Variants in PLCB1 observed in about 807,000 individuals in gnomAD.
PLCB1 encodes phospholipase C beta 1.
PLCB1 carries 46 observed loss-of-function variants against 161.8 expected under a neutral mutation model. The observed-to-expected ratio is 0.28, with a 90% CI of 0.22 to 0.36. PLCB1 has a LOEUF of 0.36. Ranked by LOEUF, PLCB1 falls within the 10% of genes least tolerant of loss-of-function variation. PLCB1 has a pLI of 1.00. For synonymous variants in PLCB1, 517 were observed against 503.7 expected, an observed-to-expected ratio of 1.03 and a Z score of -0.35; for missense variants, 1,016 against 1,472.5, an observed-to-expected ratio of 0.69 and a Z score of 5.07.
At chr20:8,771,350 T>A (rs550532925) in intron 26 of PLCB1, among the ~76,000 whole-genome samples, 169 of 152,300 alleles carry the variant, frequency 1.1e-3, no homozygotes, top group Non-Finnish European at 2.0e-3. Flanking sequence ...TGAAATTACA[T>A]ATGTGAAGGG....
intron 3 of PLCB1, among the ~76,000 whole-genome samples, chr20:8,387,177 G>A (rs1987448498): frequency 6.6e-6 from 1 of 152,214 alleles, no homozygotes; most frequent in African/African-American, 2.4e-5. Flanking sequence ...TGACTGCTTG[G>A]CACAAGTGGT....
At chr20:8,665,752 A>G (rs1989794992) in intron 9 of PLCB1, among the ~76,000 whole-genome samples, 1 of 152,222 alleles carries the variant, frequency 6.6e-6, no homozygotes, top group Non-Finnish European at 1.5e-5. Context: ...TAGAAGTTAT[A>G]AAAACTAATG....
chr20:8,307,537 T>G (rs193104710), intron 2 of PLCB1, among the ~76,000 whole-genome samples: 40 of 152,294 alleles, frequency 2.6e-4, no homozygotes, highest in African/African-American at 8.7e-4. Context: ...GGGTTTTTTT[T>G]GTTAGTTTTT....
At chr20:8,426,267 C>A (rs982274971) in intron 3 of PLCB1, among the ~76,000 whole-genome samples, 4 of 152,268 alleles carry the variant, frequency 2.6e-5, no homozygotes, top group Non-Finnish European at 5.9e-5. Flanking sequence ...GGCCTAAAAT[C>A]AATCATAATC....
In PLCB1 at chr20:8,193,472, A is replaced by G. The variant is rs959285441; in HGVS notation, c.177+43101A>G. ...GATGTGCTCTATGGGTTGATTTGGA[A>G]ATATCCCCTAGAAAGAAGGCAAGAA... On this transcript the variant is annotated intron_variant, in intron 2 of 31. Transcript: ENST00000338037. Among the ~76,000 whole-genome samples, 19 of 151,970 alleles carry G rather than the reference A, an allele frequency of 1.3e-4. 2 individuals are homozygous for G. Among genetic ancestry groups the G allele is most frequent in the Non-Finnish European group, 8.8e-5 (6 of 67,926 alleles).
At chr20:8,607,993 C>CAT (rs1370403226) in intron 3 of PLCB1, among the ~76,000 whole-genome samples, 3 of 151,736 alleles carry the variant, frequency 2.0e-5, no homozygotes, top group Non-Finnish European at 2.9e-5. Context: ...TGTTGTACAC[C>CAT]ATATATATAT....
At chr20:8,872,889 C>T (rs528927537) in intron 31 of PLCB1, among the ~76,000 whole-genome samples, 8 of 152,282 alleles carry the variant, frequency 5.3e-5, no homozygotes, top group East Asian at 1.9e-4. Flanking sequence ...AATCTCTCCT[C>T]GCCCCGCAAA....
chr20:8,799,934 A>G (rs1205884982), intron 31 of PLCB1, among the ~76,000 whole-genome samples: 2 of 152,208 alleles, frequency 1.3e-5, no homozygotes, highest in Non-Finnish European at 2.9e-5. Flanking sequence ...AAAAATGTCT[A>G]TACATGTTCA....
intron 12 of PLCB1, among the ~76,000 whole-genome samples, chr20:8,710,465 C>A (rs1008159785): frequency 1.5e-5 from 2 of 135,254 alleles, no homozygotes; most frequent in African/African-American, 5.6e-5. Flanking sequence ...TACTTGAGCA[C>A]TTTTCTTTCA....
intron 3 of PLCB1, among the ~76,000 whole-genome samples, chr20:8,617,320 A>G (rs1988062809): frequency 6.6e-6 from 1 of 152,202 alleles, no homozygotes; most frequent in Non-Finnish European, 1.5e-5. Context: ...TATACTAAAA[A>G]TGCAGGTAAT....
At chr20:8,580,715 A>G (rs1986808635) in intron 3 of PLCB1, among the ~76,000 whole-genome samples, 1 of 152,170 alleles carries the variant, frequency 6.6e-6, no homozygotes, top group South Asian at 2.1e-4. Context: ...CTTTCAAGGA[A>G]CTCATAGTTT....
chr20:8,151,679 GT>G lies in PLCB1; in HGVS notation c.177+1315del, dbSNP rs1321993297. 4.6e-5 allele frequency among the ~76,000 whole-genome samples: 7 copies of G among 151,976 alleles called. 1 individual carries two copies. The East Asian group carries it at 1.3e-3, about 29-fold the overall frequency. On this transcript the variant is annotated intron_variant, in intron 2 of 31. Transcript: ENST00000338037. ...TTGCAAGAGGTTTTGTTTTTTGGGT[GT>G]TTTTTTCTTCTCCTAAAGGATATTT...
At chr20:8,544,658 A>T (rs939106396) in intron 3 of PLCB1, among the ~76,000 whole-genome samples, 2 of 152,206 alleles carry the variant, frequency 1.3e-5, no homozygotes, top group African/African-American at 2.4e-5. Context: ...GACGCCAAGA[A>T]GTTGGAAAGG....
chr20:8,336,416 C>A (rs1051357915), intron 2 of PLCB1, among the ~76,000 whole-genome samples: 1 of 152,072 alleles, frequency 6.6e-6, no homozygotes, highest in African/African-American at 2.4e-5. Flanking sequence ...TTGGGAGTAT[C>A]TAGGATTCTC....
intron 2 of PLCB1, among the ~76,000 whole-genome samples, chr20:8,212,886 G>A (rs778666794): frequency 2.0e-5 from 3 of 151,952 alleles, no homozygotes; most frequent in South Asian, 2.1e-4. Flanking sequence ...TTTCACCTTC[G>A]TTACCATGAA....
intron 2 of PLCB1, among the ~76,000 whole-genome samples, chr20:8,283,387 T>C (rs1982968193): frequency 6.6e-6 from 1 of 151,982 alleles, no homozygotes; most frequent in South Asian, 2.1e-4. Flanking sequence ...CCTTTAATTT[T>C]TGGCATAGTT....
intron 2 of PLCB1, among the ~76,000 whole-genome samples, chr20:8,361,169 G>A (rs939682940): frequency 6.6e-6 from 1 of 152,198 alleles, no homozygotes; most frequent in African/African-American, 2.4e-5. Context: ...ACACAGTCTG[G>A]CCTCTAGGGC....
At chr20:8,596,999 T>G (rs1170110420) in intron 3 of PLCB1, among the ~76,000 whole-genome samples, 1 of 150,244 alleles carries the variant, frequency 6.7e-6, no homozygotes, top group East Asian at 2.0e-4. Context: ...AAGGAGATTT[T>G]GGGCTGAGAC....
Position 8,653,507 on chromosome 20 carries a change from T to G in PLCB1, c.595-3677T>G, listed in dbSNP as rs185988764. 6.6e-3 allele frequency: 1,009 copies of G among 152,128 alleles called. 8 individuals carry two copies. Among genetic ancestry groups the G allele is most frequent in the African/African-American group, 0.023 (964 of 41,544 alleles). 9.4% of individuals were successfully genotyped at this position (152,128 alleles called of 1,614,324 possible). A position where few individuals can be genotyped will look rare whatever the true frequency, so the allele number is the denominator to read the frequency against. ...GGCTAATTCAATGTTTTATTTATAG[T>G]TTCAGAATAAAAATATTGACAGTAT... On this transcript the variant is annotated intron_variant, in intron 7 of 31. Transcript: ENST00000338037.
Sources: allele counts gnomAD v4.1 joint callset (sites outside exome capture counted in the v4.1 genomes callset), GRCh38; gene constraint gnomAD v4.1.1; transcripts MANE v1.5; gene names NCBI Gene and HGNC (gene_info 2026-07-23, HGNC 2026-07-21).